The following PHLDB2 variants were observed in gnomAD, a reference collection of about 807,000 sequenced individuals.
PHLDB2 encodes pleckstrin homology-like domain family B member 2.
A neutral mutation model predicts 123.6 loss-of-function variants in PHLDB2; 71 were observed. The ratio of observed to expected loss-of-function variants is 0.57; its 90% CI spans 0.47 to 0.70. PHLDB2 has a LOEUF of 0.70. PHLDB2 is among the 30% of genes least tolerant of loss of function. The probability of loss-of-function intolerance (pLI) is 0.00; values close to 1 mark genes in which losing one functional copy is unlikely to be tolerated. For missense variants in PHLDB2, 1,446 were observed against 1,519.5 expected, an observed-to-expected ratio of 0.95 and a Z score of 0.80; for synonymous variants, 547 against 541.6, an observed-to-expected ratio of 1.01 and a Z score of -0.14.
chr3:111,916,024 T>G (rs886387821), intron 3 of PHLDB2: 5 of 152,226 alleles, frequency 3.3e-5, no homozygotes, highest in African/African-American at 1.2e-4. Context: ...GCCAGTTTTT[T>G]GTTAAAAACA....
At chr3:111,752,806 AC>A (rs1200519235) in intron 1 of PHLDB2, among the ~76,000 whole-genome samples, 1 of 128,966 alleles carries the variant, frequency 7.8e-6, no homozygotes, top group Non-Finnish European at 1.6e-5. Context: ...CACTGCCCCC[AC>A]CCCACAACAG....
At chr3:111,971,529 G>C (rs1291566950) in intron 16 of PHLDB2, among the ~76,000 whole-genome samples, 1 of 152,082 alleles carries the variant, frequency 6.6e-6, no homozygotes, top group East Asian at 1.9e-4. Flanking sequence ...CATTTCATTT[G>C]CTTTTTAATA....
intron 9 of PHLDB2, among the ~76,000 whole-genome samples, chr3:111,946,306 G>A (rs949074841): frequency 7.2e-5 from 11 of 152,202 alleles, no homozygotes; most frequent in Admixed American, 5.2e-4. Context: ...ACAGGCGTGA[G>A]CCACTGTGCC....
At chr3:111,924,182 G>C (rs934822888) in intron 5 of PHLDB2, among the ~76,000 whole-genome samples, 8 of 152,190 alleles carry the variant, frequency 5.3e-5, no homozygotes, top group African/African-American at 1.9e-4. Flanking sequence ...CTCAAGATCA[G>C]TGTTAGTTTT....
In PHLDB2 at chr3:111,885,109, C is replaced by T. The variant is rs776550794; in HGVS notation, c.1032C>T (p.Ala344=). ...GAGTGGCTCGGAAGATGCTTCTGGCCTCCACCTCCTCCTGTGCCTCTGATG... is the reference window on the plus strand; with the variant it reads ...GAGTGGCTCGGAAGATGCTTCTGGCTTCCACCTCCTCCTGTGCCTCTGATG... ...SPRVARKMLL[A]STSSCASDDF... Residue 344 remains alanine, a synonymous_variant, in exon 2 of 18, where the codon GCC becomes GCT. Transcript: ENST00000431670. 2 of 1,614,102 alleles carry T rather than the reference C, an allele frequency of 1.2e-6. No homozygotes were observed. Among genetic ancestry groups the T allele is most frequent in the Non-Finnish European group, 1.7e-6 (2 of 1,180,034 alleles).
intron 1 of PHLDB2, among the ~76,000 whole-genome samples, chr3:111,841,599 T>G (rs1266218040): frequency 6.6e-6 from 1 of 152,154 alleles, no homozygotes; most frequent in Non-Finnish European, 1.5e-5. Flanking sequence ...AAGAGATGCG[T>G]TTTCTCTGGG....
intron 2 of PHLDB2, among the ~76,000 whole-genome samples, chr3:111,909,331 C>G (rs907494636): frequency 6.6e-6 from 1 of 152,140 alleles, no homozygotes; most frequent in Non-Finnish European, 1.5e-5. Flanking sequence ...CTATGCTTTG[C>G]TATGTGCAGT....
intron 15 of PHLDB2, 52 bp downstream of exon 15, chr3:111,967,876 T>C (rs1442849475): frequency 1.4e-5 from 21 of 1,517,578 alleles, no homozygotes; most frequent in Non-Finnish European, 1.9e-5. Context: ...TGGTGGCAGT[T>C]CCTAGAAGAC....
At chr3:111,866,013 C>CTTTTTTTTTTTTTTTTT (rs1239058039) in intron 1 of PHLDB2, among the ~76,000 whole-genome samples, 2 of 47,664 alleles carry the variant, frequency 4.2e-5, no homozygotes, top group South Asian at 8.6e-4. Context: ...CCCACCCACT[C>CTTTTTTTTTTTTTTTTT]ATTTTTTTTT....
At chr3:111,757,573 G>A (rs893436988) in intron 1 of PHLDB2, among the ~76,000 whole-genome samples, 1 of 152,136 alleles carries the variant, frequency 6.6e-6, no homozygotes, top group Non-Finnish European at 1.5e-5. Flanking sequence ...TCTCTCAACT[G>A]GTCAAAGTCA....
At chr3:111,747,064 T>C (rs903284193) in intron 1 of PHLDB2, among the ~76,000 whole-genome samples, 5 of 152,180 alleles carry the variant, frequency 3.3e-5, no homozygotes, top group Admixed American at 6.5e-5. Context: ...GACCAAAATT[T>C]TAACTTCTGT....
intron 1 of PHLDB2, among the ~76,000 whole-genome samples, chr3:111,871,543 A>G (rs2065339245): frequency 6.6e-6 from 1 of 151,748 alleles, no homozygotes. Flanking sequence ...AGTCCCAGCT[A>G]CTGGAGATGC....
chr3:111,844,618 T>C (rs905139931), intron 1 of PHLDB2, among the ~76,000 whole-genome samples: 3 of 152,208 alleles, frequency 2.0e-5, no homozygotes, highest in Non-Finnish European at 4.4e-5. Context: ...CTCTAACTTA[T>C]TTTTCTACCT....
intron 1 of PHLDB2, among the ~76,000 whole-genome samples, chr3:111,869,905 G>A (rs7632432): frequency 2.0e-5 from 3 of 152,266 alleles, no homozygotes; most frequent in East Asian, 1.9e-4. Context: ...CTACATGTTT[G>A]TAGTGGGTAA....
intron 1 of PHLDB2, among the ~76,000 whole-genome samples, chr3:111,862,370 A>G (rs2064874421): frequency 6.6e-6 from 1 of 152,140 alleles, no homozygotes; most frequent in Admixed American, 6.5e-5. Flanking sequence ...CACCTAAGTG[A>G]TGTGCTTTAT....
At chr3:111,951,280 C>A (rs712515) in intron 10 of PHLDB2, among the ~76,000 whole-genome samples, 150,941 of 152,258 alleles carry the variant, frequency 0.99, 74,832 homozygotes, top group Middle Eastern at 1. Flanking sequence ...ACCTCTCTGC[C>A]CCCTAGATTT....
At chr3:111,816,075 A>C (rs2062061715) in intron 1 of PHLDB2, among the ~76,000 whole-genome samples, 1 of 151,052 alleles carries the variant, frequency 6.6e-6, no homozygotes. Flanking sequence ...TTGAGGCTTT[A>C]GAACTTCCCC....
intron 1 of PHLDB2, among the ~76,000 whole-genome samples, chr3:111,805,424 G>C (rs1171154442): frequency 6.6e-6 from 1 of 151,690 alleles, no homozygotes; most frequent in Non-Finnish European, 1.5e-5. Flanking sequence ...AGCTGGGCAT[G>C]GTGGCGCATG....
At chr3:111,851,724 G>A (rs2064264818) in intron 2 of PHLDB2, among the ~76,000 whole-genome samples, 1 of 152,228 alleles carries the variant, frequency 6.6e-6, no homozygotes, top group Middle Eastern at 3.4e-3. Context: ...GCCAGTGCAA[G>A]TTTAGAGTAA....
Sources: allele counts gnomAD v4.1 joint callset (sites outside exome capture counted in the v4.1 genomes callset), GRCh38; gene constraint gnomAD v4.1.1; transcripts MANE v1.5; gene names NCBI Gene and HGNC (gene_info 2026-07-23, HGNC 2026-07-21).